Variants in THSD7B observed in about 807,000 individuals in gnomAD.
THSD7B encodes thrombospondin type-1 domain-containing protein 7B.
THSD7B carries 138 observed loss-of-function variants against 213.6 expected under a neutral mutation model. That is an observed-to-expected ratio of 0.65 (90% CI 0.56 to 0.74). The LOEUF (loss-of-function observed/expected upper bound fraction) is 0.74. Among genes scored for constraint, THSD7B ranks in the 30% least tolerant of loss-of-function variants. The probability of loss-of-function intolerance (pLI) is 0.00; values close to 1 mark genes in which losing one functional copy is unlikely to be tolerated. For synonymous variants in THSD7B, 742 were observed against 687.0 expected (o/e 1.08, Z -1.25); for missense variants, 1,931 against 1,991.5 (o/e 0.97, Z 0.58).
chr2:136,769,279 A>G (rs1287299061), intron 1 of THSD7B, among the ~76,000 whole-genome samples: 1 of 152,210 alleles, frequency 6.6e-6, no homozygotes, highest in Non-Finnish European at 1.5e-5. Context: ...CTTTCATTCT[A>G]AGCCATGAAT....
intron 1 of THSD7B, among the ~76,000 whole-genome samples, chr2:136,829,395 A>G (rs1394157706): frequency 6.6e-6 from 1 of 151,988 alleles, no homozygotes; most frequent in Non-Finnish European, 1.5e-5. Flanking sequence ...AGAACCATTG[A>G]TTTGCATCCT....
chr2:137,621,069 C>T (rs1037322168), intron 20 of THSD7B, among the ~76,000 whole-genome samples: 62 of 152,288 alleles, frequency 4.1e-4, no homozygotes, highest in African/African-American at 1.4e-3. Flanking sequence ...ACCACATAAA[C>T]CCCCAAAGCA....
At chr2:137,207,548 C>A (rs1558958593) in intron 7 of THSD7B, among the ~76,000 whole-genome samples, 1 of 151,930 alleles carries the variant, frequency 6.6e-6, no homozygotes, top group Admixed American at 6.6e-5. Flanking sequence ...AAGACCCTAT[C>A]GATAAATCAT....
At chr2:137,673,118 C>CAAACT (rs1239363366) in intron 27 of THSD7B, among the ~76,000 whole-genome samples, 1 of 152,210 alleles carries the variant, frequency 6.6e-6, no homozygotes, top group Admixed American at 6.5e-5. Flanking sequence ...CTGCTTTCAT[C>CAAACT]AAACTAGTTA....
chr2:137,526,877 G>T (rs1289503369), intron 15 of THSD7B, among the ~76,000 whole-genome samples: 2 of 152,082 alleles, frequency 1.3e-5, no homozygotes, highest in Non-Finnish European at 1.5e-5. Context: ...GAATGAGCAG[G>T]TTGAAAATTA....
intron 5 of THSD7B, among the ~76,000 whole-genome samples, chr2:137,148,505 C>T (rs1032582891): frequency 2.0e-5 from 3 of 152,032 alleles, no homozygotes; most frequent in African/African-American, 7.2e-5. Flanking sequence ...TTTGGAACTT[C>T]CTAGAGGCTT....
At chr2:137,617,031 GA>G (rs113477032) in intron 18 of THSD7B, among the ~76,000 whole-genome samples, 3,224 of 148,432 alleles carry the variant, frequency 0.022, 45 homozygotes, top group Middle Eastern at 0.075. Flanking sequence ...TTTTCTGAAA[GA>G]AAAAAAAAAA....
chr2:137,197,893 T>G (rs1680797465), intron 7 of THSD7B, among the ~76,000 whole-genome samples: 1 of 152,172 alleles, frequency 6.6e-6, no homozygotes, highest in South Asian at 2.1e-4. Context: ...GATAGCCACT[T>G]GAATCCTATC....
chr2:137,637,550 A>G (rs1322658505), intron 20 of THSD7B, among the ~76,000 whole-genome samples: 1 of 152,222 alleles, frequency 6.6e-6, no homozygotes, highest in African/African-American at 2.4e-5. Context: ...AGTCATAGGC[A>G]TTGTTTGGAA....
At chr2:137,223,912 C>G (rs1274856817) in intron 7 of THSD7B, among the ~76,000 whole-genome samples, 1 of 152,254 alleles carries the variant, frequency 6.6e-6, no homozygotes, top group South Asian at 2.1e-4. Flanking sequence ...CCCCCGCTTC[C>G]TCCTAACTCA....
At chr2:137,311,407 T>C (rs1220246938) in intron 12 of THSD7B, among the ~76,000 whole-genome samples, 1 of 152,172 alleles carries the variant, frequency 6.6e-6, no homozygotes, top group Non-Finnish European at 1.5e-5. Flanking sequence ...GATTTTAGAC[T>C]GAGACAATGG....
At chr2:137,180,733 C>T (rs1405562098) in intron 7 of THSD7B, among the ~76,000 whole-genome samples, 1 of 152,186 alleles carries the variant, frequency 6.6e-6, no homozygotes, top group African/African-American at 2.4e-5. Context: ...GGACTCCAAA[C>T]CAGTGCTTAT....
chr2:136,953,784 C>A (rs184876800), intron 2 of THSD7B, among the ~76,000 whole-genome samples: 1 of 152,308 alleles, frequency 6.6e-6, no homozygotes, highest in Non-Finnish European at 1.5e-5. Flanking sequence ...CCTTAAATAG[C>A]TTTTCAGTTC....
At chr2:137,209,290 C>G (rs1454302923) in intron 7 of THSD7B, among the ~76,000 whole-genome samples, 1 of 151,956 alleles carries the variant, frequency 6.6e-6, no homozygotes, top group Non-Finnish European at 1.5e-5. Context: ...AGATTCTGAC[C>G]TTCTTGAAGA....
At chr2:137,334,431 C>A (rs1020974342) in intron 12 of THSD7B, among the ~76,000 whole-genome samples, 2 of 152,162 alleles carry the variant, frequency 1.3e-5, no homozygotes, top group Non-Finnish European at 2.9e-5. Flanking sequence ...TTTCTCCACA[C>A]CCTGAACCCA....
Position 137,398,416 on chromosome 2 carries a change from C to T in THSD7B, c.2501-7197C>T, listed in dbSNP as rs1372861108. Among the ~76,000 whole-genome samples, 185 of 149,832 alleles carry T rather than the reference C, an allele frequency of 1.2e-3. 1 individual carries two copies. Among genetic ancestry groups the T allele is most frequent in the African/African-American group, 4.2e-3 (171 of 40,982 alleles). ...CCTCAGCTGCAGGTCTGTTGGAATA[C>T]CCTGCTGTGTGAGGTGTCAGTGTGC... On this transcript the variant is annotated intron_variant, in intron 12 of 27. Transcript: ENST00000409968.
chr2:136,934,734 AAAGT>A (rs1684692648), intron 2 of THSD7B, among the ~76,000 whole-genome samples: 1 of 152,184 alleles, frequency 6.6e-6, no homozygotes, highest in African/African-American at 2.4e-5. Context: ...TCAACTTTAG[AAAGT>A]AAGTGTAGTG....
intron 1 of THSD7B, among the ~76,000 whole-genome samples, chr2:136,793,448 C>T (rs1042113065): frequency 3.9e-5 from 6 of 151,966 alleles, no homozygotes; most frequent in Admixed American, 2.6e-4. Flanking sequence ...TTATCATATA[C>T]GTAGTTCATA....
At chr2:136,802,015 T>C (rs1458032782) in intron 1 of THSD7B, among the ~76,000 whole-genome samples, 1 of 152,148 alleles carries the variant, frequency 6.6e-6, no homozygotes, top group Non-Finnish European at 1.5e-5. Context: ...CACAAATGCA[T>C]GTGTGGTTTC....
Sources: gnomAD v4.1 joint callset for allele counts (sites outside exome capture counted in the v4.1 genomes callset) on GRCh38, gnomAD v4.1.1 for gene constraint, MANE v1.5 for transcripts, NCBI Gene and HGNC (gene_info 2026-07-23, HGNC 2026-07-21) for gene names.